The following IL5RA variants were observed in gnomAD, a reference collection of about 807,000 sequenced individuals.
IL5RA encodes interleukin-5 receptor subunit alpha.
Under a neutral mutation model 50.0 loss-of-function variants are expected in IL5RA, and 49 were observed. The observed-to-expected ratio is 0.98, with a 90% CI of 0.78 to 1.24. The LOEUF (loss-of-function observed/expected upper bound fraction) is 1.24. Ranked by LOEUF, IL5RA falls within the 50% of genes most tolerant of loss-of-function variation. The pLI, the probability that IL5RA is intolerant of heterozygous loss-of-function variation, is 0.00. For synonymous variants in IL5RA, 202 were observed against 174.0 expected (o/e 1.16, Z -1.26); for missense variants, 600 against 500.4 (o/e 1.20, Z -1.90).
At chr3:3,100,493 A>C (rs1703592782) in intron 5 of IL5RA, among the ~76,000 whole-genome samples, 1 of 152,198 alleles carries the variant, frequency 6.6e-6, no homozygotes, top group South Asian at 2.1e-4. Flanking sequence ...TTGTCCATGC[A>C]TTAAATGACC....
At position 3,067,302 on chromosome 3, in the gene IL5RA, CT is replaced by C. The variant is rs1201633373; in HGVS notation, c.*2922del. The C allele has an allele frequency of 6.6e-6, 1 of 152,252 alleles. No individual in the cohort carries two copies. The highest frequency in any genetic ancestry group is 1.5e-5 in the Non-Finnish European group (1 of 68,078). The allele number at this position is 152,252 out of a possible 1,614,324, so 9.4% of individuals were successfully genotyped here. The stretch of plus-strand genomic sequence containing the variant: ...TCATTAGATACCCAGCTTCCTCCCC[CT>C]GTCATTATTGTAGGCCTTGAGGATC... On this transcript the variant is annotated 3_prime_UTR_variant, in exon 12 of 12. Coordinates refer to ENST00000446632, the MANE Select transcript of IL5RA (RefSeq NM_175726.4).
intron 9 of IL5RA, among the ~76,000 whole-genome samples, chr3:3,090,504 C>G (rs1703041443): frequency 6.6e-6 from 1 of 151,696 alleles, no homozygotes; most frequent in South Asian, 2.1e-4. Context: ...TGTTGACTTG[C>G]CGGAAACACC....
rs1056744781 is a variant in IL5RA at position 3,066,523 on chromosome 3, A to C, written c.*3702T>G. On this transcript the variant is annotated 3_prime_UTR_variant, in exon 12 of 12. Coordinates refer to ENST00000446632, the MANE Select transcript of IL5RA (RefSeq NM_175726.4). ...CAGGAATAGCTACAGTCCTTAGGCT[A>C]GCACCAAGTCCTATTCTAATTAGGT... 2 of 152,232 alleles carry C rather than the reference A, an allele frequency of 1.3e-5. No individual in the cohort carries two copies. Among genetic ancestry groups the C allele is most frequent in the African/African-American group, 4.8e-5 (2 of 41,462 alleles). 9.4% of individuals were successfully genotyped at this position (152,232 alleles called of 1,614,324 possible). A position where few individuals can be genotyped will look rare whatever the true frequency, so the allele number is the denominator to read the frequency against.
intron 9 of IL5RA, chr3:3,091,753 A>G (rs1474904403): frequency 6.4e-6 from 1 of 157,360 alleles, no homozygotes; most frequent in South Asian, 2.0e-4. Context: ...AAAAACAAAC[A>G]AACAAATGAG....
At chr3:3,100,805 G>T (rs772627357) in intron 5 of IL5RA, among the ~76,000 whole-genome samples, 3 of 151,952 alleles carry the variant, frequency 2.0e-5, no homozygotes, top group Non-Finnish European at 4.4e-5. Context: ...TCTGTACTTG[G>T]GATCAAGCCC....
chr3:3,099,658 T>TTTATTATTATTATTA (rs10525244), intron 5 of IL5RA, among the ~76,000 whole-genome samples: 4,234 of 144,240 alleles, frequency 0.029, 194 homozygotes, highest in African/African-American at 0.092. Context: ...TTTTATTTTA[T>TTTATTATTATTATTA]TTATTATTAT....
intron 11 of IL5RA, among the ~76,000 whole-genome samples, chr3:3,073,429 A>G (rs1025716626): frequency 2.0e-5 from 3 of 152,218 alleles, no homozygotes; most frequent in African/African-American, 7.2e-5. Flanking sequence ...ACTGGAGCAC[A>G]GCCACGCTCA....
chr3:3,105,010 C>G (rs1330066321), intron 2 of IL5RA, 23 bp from the exon 3 acceptor site: 2 of 1,458,206 alleles, frequency 1.4e-6, no homozygotes, highest in Non-Finnish European at 1.9e-6. Context: ...AGGGAGATAC[C>G]AAAATCATCT....
rs148965959 is a variant in IL5RA at position 3,088,616 on chromosome 3, C to T, written c.994+3608G>A. 1.2e-3 allele frequency among the ~76,000 whole-genome samples: 180 copies of T among 152,308 alleles called. 1 individual carries two copies. The highest frequency in any genetic ancestry group is 4.2e-3 in the African/African-American group (175 of 41,568). Reference sequence around the variant, plus strand: ...TCTAGTGCTTCTTTTTCACCTAATACGTTCTAAATTCTCTACAGTCAACAT... The same window carrying T: ...TCTAGTGCTTCTTTTTCACCTAATATGTTCTAAATTCTCTACAGTCAACAT... On this transcript the variant is annotated intron_variant, in intron 9 of 11. Coordinates refer to ENST00000446632, the MANE Select transcript of IL5RA (RefSeq NM_175726.4).
intron 9 of IL5RA, among the ~76,000 whole-genome samples, chr3:3,077,939 T>A (rs2125955851): frequency 6.6e-6 from 1 of 152,314 alleles, no homozygotes; most frequent in East Asian, 1.9e-4. Context: ...CATTAATTCC[T>A]TTATTCATCC....
At chr3:3,104,373 A>G (rs1259767989) in intron 3 of IL5RA, among the ~76,000 whole-genome samples, 2 of 152,202 alleles carry the variant, frequency 1.3e-5, no homozygotes, top group African/African-American at 2.4e-5. Context: ...TAGTTGCACT[A>G]TCCATATTTC....
chr3:3,098,021 G>C lies in IL5RA; in HGVS notation c.558C>G (p.Ser186Arg). The C allele has an allele frequency of 6.2e-7, 1 of 1,614,136 alleles. No individual in the cohort carries two copies. The highest frequency in any genetic ancestry group is 8.5e-7 in the Non-Finnish European group (1 of 1,180,026). ...CGATATTTCTCCCCAGTGTGTCTTTGCTGTATTCTTGGCATTCTTCAGTCC... is the reference window on the plus strand; with the variant it reads ...CGATATTTCTCCCCAGTGTGTCTTTCCTGTATTCTTGGCATTCTTCAGTCC... ...GSWTEECQEY[S>R]KDTLGRNIAC... Residue 186 changes from serine to arginine, a missense_variant, in exon 7 of 12, where the codon AGC becomes AGG. Coordinates refer to ENST00000446632, the MANE Select transcript of IL5RA (RefSeq NM_175726.4).
chr3:3,090,572 T>TTC (rs1703047162), intron 9 of IL5RA, among the ~76,000 whole-genome samples: 1 of 145,160 alleles, frequency 6.9e-6, no homozygotes, highest in Non-Finnish European at 1.5e-5. Context: ...TTTTCTTTCT[T>TTC]TTTTTTTTTT....
At chr3:3,081,625 G>A (rs1217655306) in intron 9 of IL5RA, among the ~76,000 whole-genome samples, 6 of 152,272 alleles carry the variant, frequency 3.9e-5, no homozygotes, top group East Asian at 3.9e-4. Context: ...TAACAGTACC[G>A]TTTTCTTCTG....
chr3:3,071,597 AT>A (rs113446607), intron 11 of IL5RA, among the ~76,000 whole-genome samples: 657 of 55,654 alleles, frequency 0.012, 5 homozygotes, highest in African/African-American at 0.037. Context: ...GTGTGTGTGT[AT>A]TTTTTTTTTT....
chr3:3,082,828 A>G (rs531940052), intron 9 of IL5RA, among the ~76,000 whole-genome samples: 1 of 152,332 alleles, frequency 6.6e-6, no homozygotes, highest in South Asian at 2.1e-4. Flanking sequence ...AGCTCTTAGG[A>G]GATGAATTTG....
intron 2 of IL5RA, among the ~76,000 whole-genome samples, chr3:3,107,381 A>AAACAACAACAAC (rs4054761): frequency 4.7e-3 from 710 of 150,982 alleles, no homozygotes; most frequent in African/African-American, 8.7e-3. Context: ...TCCCTGCTTA[A>AAACAACAACAAC]AACAACAACA....
Position 3,072,514 on chromosome 3 carries a change from C to T in IL5RA, c.1177-2203G>A, listed in dbSNP as rs1004309784. Among the ~76,000 whole-genome samples the T allele has an allele frequency of 2.6e-5, 4 of 152,312 alleles. No homozygotes were observed. The Middle Eastern group carries it at 0.01, about 389-fold the overall frequency. On this transcript the variant is annotated intron_variant, in intron 11 of 11. Transcript: ENST00000446632. ...AATAAGCTTTTATACCAGTTTATTT[C>T]ACCAACTTCGGAATATTAAAGGAAA... is the stretch of plus-strand genomic sequence containing the variant.
In IL5RA at chr3:3,070,222, C is replaced by G; in HGVS notation, c.*3G>C. ...AGTTCATCAGAGGATGCCAAAGTGA[C>G]AGTCAAAACACAGAATCCTCCAGGG... On this transcript the variant is annotated 3_prime_UTR_variant, in exon 12 of 12. Transcript: ENST00000446632. The G allele has an allele frequency of 6.3e-7, 1 of 1,598,810 alleles. No individual in the cohort carries two copies. The highest frequency in any genetic ancestry group is 8.6e-7 in the Non-Finnish European group (1 of 1,167,228).
Sources: gnomAD v4.1 joint callset for allele counts (sites outside exome capture counted in the v4.1 genomes callset) on GRCh38, gnomAD v4.1.1 for gene constraint, MANE v1.5 for transcripts, NCBI Gene and HGNC (gene_info 2026-07-23, HGNC 2026-07-21) for gene names.